PCDHGB1: variants seen among roughly 807,000 people sequenced by gnomAD.
PCDHGB1 encodes protocadherin gamma subfamily B, 1, also known as protocadherin gamma-B1.
A neutral mutation model predicts 56.6 loss-of-function variants in PCDHGB1; 34 were observed. The ratio of observed to expected loss-of-function variants is 0.60; its 90% confidence interval spans 0.46 to 0.80. The LOEUF is 0.80. PCDHGB1 is among the 30% of genes least tolerant of loss of function. The pLI is 0.00. For synonymous variants in PCDHGB1, 561 were observed against 505.9 expected (o/e 1.11, Z -1.46); for missense variants, 1,278 against 1,204.6 (o/e 1.06, Z -0.90).
chr5:141,374,262 C>A lies in PCDHGB1; in HGVS notation c.2409+21593C>A, dbSNP rs369097101. The A allele has an allele frequency of 8.4e-5, 136 of 1,613,824 alleles. No individual in the cohort carries two copies. Among genetic ancestry groups the A allele is most frequent in the Non-Finnish European group, 1.1e-4 (132 of 1,179,878 alleles). On this transcript the variant is annotated intron_variant, in intron 1 of 3. Transcript: ENST00000523390. ...CTGGGACTGGAGCCCCAGGAGTTGG[C>A]GGAGCACGGAGTCCGCATCGTCTCC...
At chr5:141,426,764 T>C (rs1285434687) in intron 1 of PCDHGB1, 5 of 456,638 alleles carry the variant, frequency 1.1e-5, no homozygotes, top group Non-Finnish European at 2.2e-5. Flanking sequence ...TAGATGCAGA[T>C]GTAGGGCCTC....
chr5:141,402,108 A>T (rs2094226699), intron 1 of PCDHGB1, among the ~76,000 whole-genome samples: 1 of 152,218 alleles, frequency 6.6e-6, no homozygotes, highest in African/African-American at 2.4e-5. Context: ...CAATTACAAA[A>T]ATGTGAAAAT....
rs761227475 is a variant in PCDHGB1 at position 141,489,382 on chromosome 5, G to A, written c.2410-5425G>A. 4 of 1,613,872 alleles carry A rather than the reference G, an allele frequency of 2.5e-6. No homozygotes were observed. The highest frequency in any genetic ancestry group is 1.7e-5 in the Admixed American group (1 of 60,006). On this transcript the variant is annotated intron_variant, in intron 1 of 3. Coordinates refer to ENST00000523390, the MANE Select transcript of PCDHGB1 (RefSeq NM_018922.3). The surrounding 1 kb of genome is among the most constrained non-coding windows in gnomAD (Gnocchi z 4.5). ...TGAGCCGGGGACGCTGGTGGGGAATGTTGCTCAGGATCTGGGCTTAAAGAT... is the reference window on the plus strand; with the variant it reads ...TGAGCCGGGGACGCTGGTGGGGAATATTGCTCAGGATCTGGGCTTAAAGAT...
chr5:141,374,327 G>T (rs766746841), intron 1 of PCDHGB1: 3 of 1,613,866 alleles, frequency 1.9e-6, no homozygotes, highest in Non-Finnish European at 2.5e-6. Context: ...TCCGCGAAAC[G>T]GCAGCTTGGT....
At chr5:141,372,253 GC>G in intron 1 of PCDHGB1, 1 of 1,613,158 alleles carries the variant, frequency 6.2e-7, no homozygotes, top group Non-Finnish European at 8.5e-7. Flanking sequence ...TTCAGCCTGG[GC>G]CTGCGCACGG....
Position 141,352,622 on chromosome 5 carries a change from A to T in PCDHGB1, c.2362A>T (p.Ser788Cys). The change falls in exon 1 of 4, where the codon AGT (serine) becomes TGT (cysteine). Residue 788 changes from serine (S) to cysteine (C), a missense_variant. Transcript: ENST00000523390. ...TGATCCTTCTATGGTTGTATGTGCC[A>T]GTAATGAAGATCACAAAATCGCTTA... ...CDDPSMVVCA[S>C]NEDHKIAYDP... The T allele has an allele frequency of 6.2e-7, 1 of 1,612,530 alleles. No homozygotes were observed.
At chr5:141,417,851 G>A (rs1196210157) in intron 1 of PCDHGB1, 1 of 1,543,512 alleles carries the variant, frequency 6.5e-7, no homozygotes, top group Non-Finnish European at 8.8e-7. Flanking sequence ...GCGAGAACCC[G>A]AGCGAACGAT....
chr5:141,358,728 A>C (rs1761003204), intron 1 of PCDHGB1, among the ~76,000 whole-genome samples: 1 of 152,196 alleles, frequency 6.6e-6, no homozygotes, highest in African/African-American at 2.4e-5. Flanking sequence ...GGAAAATATA[A>C]GTTTTTGGAG....
At chr5:141,499,726 ACT>A (rs1368224475) in intron 2 of PCDHGB1, among the ~76,000 whole-genome samples, 1 of 128,608 alleles carries the variant, frequency 7.8e-6, no homozygotes, top group African/African-American at 3.0e-5. Flanking sequence ...ACAGAGTCTC[ACT>A]CTCTTGCCCA....
intron 1 of PCDHGB1, chr5:141,413,757 G>C (rs2095674818): frequency 1.2e-6 from 2 of 1,612,920 alleles, no homozygotes; most frequent in African/African-American, 2.7e-5. Flanking sequence ...ATGGCGTCAA[G>C]TACCCGGAGC....
At chr5:141,393,534 G>GA in intron 1 of PCDHGB1, 1 of 1,613,928 alleles carries the variant, frequency 6.2e-7, no homozygotes, top group Non-Finnish European at 8.5e-7. Flanking sequence ...CAATGCCCCG[G>GA]TTTTTCCTCA....
chr5:141,485,821 T>C lies in PCDHGB1; in HGVS notation c.2410-8986T>C, dbSNP rs765768266. 4 of 1,614,134 alleles carry C rather than the reference T, an allele frequency of 2.5e-6. No homozygotes were observed. Among genetic ancestry groups the C allele is most frequent in the Admixed American group, 1.7e-5 (1 of 60,014 alleles). ...ACCGCCTGGTGCTGACTGCTGTCGATGGAGGGAACCCGCCGAGATCTGGCA... is the reference window on the plus strand; with the variant it reads ...ACCGCCTGGTGCTGACTGCTGTCGACGGAGGGAACCCGCCGAGATCTGGCA... On this transcript the variant is annotated intron_variant, in intron 1 of 3. Coordinates refer to ENST00000523390, the MANE Select transcript of PCDHGB1 (RefSeq NM_018922.3). This position sits in a 1 kb window ranked among gnomAD's most constrained non-coding sequence, Gnocchi z 5.7.
At chr5:141,413,740 C>A in intron 1 of PCDHGB1, 2 of 1,613,402 alleles carry the variant, frequency 1.2e-6, no homozygotes, top group Non-Finnish European at 1.7e-6. Flanking sequence ...AGTTCAGAGC[C>A]GTGCCAATGG....
At chr5:141,356,667 C>T (rs886604200) in intron 1 of PCDHGB1, 1 of 1,613,920 alleles carries the variant, frequency 6.2e-7, no homozygotes, top group Admixed American at 1.7e-5. Flanking sequence ...GAATCACTTA[C>T]TCCCTGGCCG....
intron 1 of PCDHGB1, chr5:141,365,890 C>G (rs780121604): frequency 6.2e-7 from 1 of 1,614,022 alleles, no homozygotes; most frequent in East Asian, 2.2e-5. Flanking sequence ...TGAGATCCTT[C>G]GACTATGAGC....
At chr5:141,365,502 C>T (rs373907411) in intron 1 of PCDHGB1, 5 of 1,613,918 alleles carry the variant, frequency 3.1e-6, no homozygotes, top group East Asian at 2.2e-5. Context: ...AGGAATTTGC[C>T]TTTTAAATTG....
chr5:141,400,491 T>A, intron 1 of PCDHGB1: 1 of 1,614,080 alleles, frequency 6.2e-7, no homozygotes, highest in Non-Finnish European at 8.5e-7. Flanking sequence ...TTCCACTTTG[T>A]AATTCCAGCG....
At chr5:141,430,931 G>C (rs781580216) in intron 1 of PCDHGB1, 2 of 1,607,530 alleles carry the variant, frequency 1.2e-6, no homozygotes, top group Admixed American at 1.7e-5. Flanking sequence ...GGAGCCCCGG[G>C]AGCTCGCGGA....
chr5:141,444,194 G>A (rs1209269773), intron 1 of PCDHGB1, among the ~76,000 whole-genome samples: 1 of 67,352 alleles, frequency 1.5e-5, no homozygotes, highest in Non-Finnish European at 2.7e-5. Flanking sequence ...TTTTTGAGAT[G>A]GAGTTTCACT....
Sources: allele counts gnomAD v4.1 joint callset (sites outside exome capture counted in the v4.1 genomes callset), GRCh38; gene constraint gnomAD v4.1.1; non-coding constraint Gnocchi (gnomAD v3.1); transcripts MANE v1.5; gene names NCBI Gene and HGNC (gene_info 2026-07-23, HGNC 2026-07-21).